Variants in RANBP2 observed in about 807,000 individuals in gnomAD.
RANBP2 encodes the protein RAN binding protein 2.
Under a neutral mutation model 303.6 loss-of-function variants are expected in RANBP2, and 57 were observed. The ratio of observed to expected loss-of-function variants is 0.19; its 90% confidence interval spans 0.15 to 0.23. The LOEUF (loss-of-function observed/expected upper bound fraction) is 0.23, where lower values mean the gene tolerates loss of function less well. Among genes scored for constraint, RANBP2 ranks in the 10% least tolerant of loss-of-function variants. RANBP2 has a pLI of 1.00. For synonymous variants in RANBP2, 1,167 were observed against 1,301.5 expected (o/e 0.90, Z 2.23); for missense variants, 3,138 against 3,780.8 (o/e 0.83, Z 4.46).
chr2:108,917,798 G>A, the RANBP2 span, among the ~76,000 whole-genome samples: 4 of 152,012 alleles, frequency 2.6e-5, no homozygotes, highest in South Asian at 2.1e-4. Flanking sequence ...GAGCAGATCC[G>A]GTCCCAAAGT....
At position 108,758,498 on chromosome 2, in the gene RANBP2, T is replaced by C. The variant is rs1159942047; in HGVS notation, c.2552T>C (p.Val851Ala). Residue 851 changes from valine (V) to alanine (A), a missense_variant, in exon 18 of 29, where the codon GTG becomes GCG. Transcript: ENST00000283195. ...ACAGAGAATTATGGACCAGACTCAGTGCCTGATGGATATCAGGGGTCACAG... is the reference window on the plus strand; with the variant it reads ...ACAGAGAATTATGGACCAGACTCAGCGCCTGATGGATATCAGGGGTCACAG... ...WPTENYGPDS[V>A]PDGYQGSQTF... 1.2e-6 allele frequency: 2 copies of C among 1,611,376 alleles called. No homozygotes were observed. The highest frequency in any genetic ancestry group is 8.5e-7 in the Non-Finnish European group (1 of 1,179,786).
At chr2:109,357,372 G>A in the RANBP2 span, among the ~76,000 whole-genome samples, 148 of 152,178 alleles carry the variant, frequency 9.7e-4, 1 homozygote, top group Non-Finnish European at 1.3e-3. Flanking sequence ...TAGTAGAGAC[G>A]AGGTTTCACC....
the RANBP2 span, among the ~76,000 whole-genome samples, chr2:109,570,253 T>G: frequency 6.6e-6 from 1 of 152,172 alleles, no homozygotes; most frequent in Admixed American, 6.5e-5. Context: ...TTTAAATGAG[T>G]GCATGATACC....
the RANBP2 span, among the ~76,000 whole-genome samples, chr2:108,934,941 A>C: frequency 1.3e-5 from 2 of 152,228 alleles, no homozygotes; most frequent in African/African-American, 4.8e-5. Context: ...GGAACTAACC[A>C]GTTAATTGGC....
At chr2:109,716,258 T>G in the RANBP2 span, among the ~76,000 whole-genome samples, 1 of 151,954 alleles carries the variant, frequency 6.6e-6, no homozygotes, top group Non-Finnish European at 1.5e-5. Flanking sequence ...TAAAAAAAAT[T>G]TATTTATTTT....
At chr2:108,996,967 G>A in the RANBP2 span, among the ~76,000 whole-genome samples, 1 of 152,184 alleles carries the variant, frequency 6.6e-6, no homozygotes, top group East Asian at 1.9e-4. Flanking sequence ...ACTTCAGTTG[G>A]CTAGCATCTA....
the RANBP2 span, chr2:108,856,732 C>T: frequency 3.4e-6 from 5 of 1,486,488 alleles, no homozygotes; most frequent in East Asian, 2.3e-5. Context: ...TTTTTACCTT[C>T]TGTTTCTGAT....
the RANBP2 span, among the ~76,000 whole-genome samples, chr2:109,619,589 G>T: frequency 3.3e-5 from 5 of 152,156 alleles, no homozygotes; most frequent in Non-Finnish European, 1.5e-5. Flanking sequence ...ATCCCACTGT[G>T]ATGGCTGCTG....
At chr2:109,736,100 T>G in the RANBP2 span, among the ~76,000 whole-genome samples, 4 of 152,316 alleles carry the variant, frequency 2.6e-5, no homozygotes, top group Admixed American at 2.6e-4. Flanking sequence ...ACACCGTAAA[T>G]TCTAAAACAC....
chr2:108,756,120 A>G (rs1676298968), intron 17 of RANBP2, among the ~76,000 whole-genome samples: 1 of 152,194 alleles, frequency 6.6e-6, no homozygotes, highest in Non-Finnish European at 1.5e-5. Flanking sequence ...TTTAAAATAT[A>G]AGAGTTCGTG....
At chr2:109,615,461 C>G in the RANBP2 span, 11 of 1,613,232 alleles carry the variant, frequency 6.8e-6, no homozygotes, top group Non-Finnish European at 8.5e-6. Flanking sequence ...TAGTCAACTT[C>G]GCCAACAAAC....
At chr2:109,630,161 C>G in the RANBP2 span, among the ~76,000 whole-genome samples, 1 of 152,154 alleles carries the variant, frequency 6.6e-6, no homozygotes, top group South Asian at 2.1e-4. Context: ...TTATAATCCT[C>G]TAGCTGGAAT....
chr2:108,962,459 G>A, the RANBP2 span, among the ~76,000 whole-genome samples: 1 of 152,008 alleles, frequency 6.6e-6, no homozygotes, highest in African/African-American at 2.4e-5. Flanking sequence ...GGATCATGAG[G>A]TCAGGAGATC....
the RANBP2 span, among the ~76,000 whole-genome samples, chr2:109,342,548 G>A: frequency 6.6e-6 from 1 of 152,194 alleles, no homozygotes; most frequent in African/African-American, 2.4e-5. Flanking sequence ...TTAAACACAG[G>A]GAGCCGGTGC....
At chr2:109,324,544 C>T in the RANBP2 span, among the ~76,000 whole-genome samples, 1 of 152,176 alleles carries the variant, frequency 6.6e-6, no homozygotes, top group Admixed American at 6.5e-5. Flanking sequence ...ATGAAAGTTA[C>T]AACTGTCATC....
the RANBP2 span, among the ~76,000 whole-genome samples, chr2:109,157,673 G>A: frequency 1.3e-5 from 2 of 152,176 alleles, no homozygotes; most frequent in African/African-American, 4.8e-5. Context: ...TGATTCAGTT[G>A]GTTACTGAGC....
the RANBP2 span, among the ~76,000 whole-genome samples, chr2:109,720,204 C>G: frequency 2.0e-5 from 3 of 152,042 alleles, no homozygotes; most frequent in African/African-American, 7.2e-5. Context: ...GCCTCCACGC[C>G]CTTGTGTAAC....
the RANBP2 span, among the ~76,000 whole-genome samples, chr2:108,800,848 A>G: frequency 6.5e-5 from 8 of 122,502 alleles, no homozygotes; most frequent in African/African-American, 1.9e-4. Flanking sequence ...TCATTGTTCA[A>G]TTCCCACCTA....
the RANBP2 span, among the ~76,000 whole-genome samples, chr2:108,857,465 C>T: frequency 1.3e-5 from 2 of 152,092 alleles, no homozygotes; most frequent in Admixed American, 6.6e-5. Flanking sequence ...CAGGGATTCC[C>T]CAGCTAAACA....
Sources: gnomAD v4.1 joint callset for allele counts (sites outside exome capture counted in the v4.1 genomes callset) on GRCh38, gnomAD v4.1.1 for gene constraint, MANE v1.5 for transcripts, NCBI Gene and HGNC (gene_info 2026-07-23, HGNC 2026-07-21) for gene names.